The following TP63 variants were observed in gnomAD, a reference collection of about 807,000 sequenced individuals.
TP63 encodes tumor protein p63, also known as tumor protein 63.
In TP63, 17 loss-of-function variants were observed where a neutral mutation model predicts 82.8. The observed-to-expected ratio is 0.21, with a 90% CI of 0.14 to 0.31. The LOEUF (loss-of-function observed/expected upper bound fraction) is 0.31, where lower values mean the gene tolerates loss of function less well. TP63 is among the 10% of genes least tolerant of loss of function. The pLI is 1.00. For synonymous variants in TP63, 330 were observed against 321.7 expected (o/e 1.03, Z -0.28); for missense variants, 648 against 895.3 (o/e 0.72, Z 3.52).
At chr3:189,598,324 G>A in the TP63 span, among the ~76,000 whole-genome samples, 1 of 150,362 alleles carries the variant, frequency 6.7e-6, no homozygotes, top group Non-Finnish European at 1.5e-5. Context: ...CGGAATGGGA[G>A]AGGAGAGAAG....
At chr3:189,726,502 A>G (rs532945549) in intron 1 of TP63, among the ~76,000 whole-genome samples, 51 of 152,206 alleles carry the variant, frequency 3.4e-4, no homozygotes, top group Non-Finnish European at 5.6e-4. Context: ...GGTTTGAATC[A>G]TTATGTAGCA....
chr3:189,658,029 G>A (rs1388166258), intron 1 of TP63, among the ~76,000 whole-genome samples: 1 of 151,670 alleles, frequency 6.6e-6, no homozygotes, highest in Non-Finnish European at 1.5e-5. Flanking sequence ...CTCAAACTAG[G>A]GTAAGACATA....
the TP63 span, among the ~76,000 whole-genome samples, chr3:189,611,800 C>A: frequency 2.0e-5 from 3 of 152,122 alleles, no homozygotes; most frequent in Admixed American, 2.0e-4. Context: ...TCTCTGATTT[C>A]TTTGAGCATT....
At chr3:189,852,781 A>G (rs1050845947) in intron 4 of TP63, among the ~76,000 whole-genome samples, 2 of 152,122 alleles carry the variant, frequency 1.3e-5, no homozygotes, top group Non-Finnish European at 2.9e-5. Flanking sequence ...TGTGACATCC[A>G]AGGCTCCTCA....
intron 1 of TP63, among the ~76,000 whole-genome samples, chr3:189,664,742 A>T (rs1393222960): frequency 1.3e-5 from 2 of 152,182 alleles, no homozygotes; most frequent in African/African-American, 4.8e-5. Flanking sequence ...GATATTAAAC[A>T]TAATAAAGTT....
chr3:189,866,505 A>G (rs1270146225), intron 5 of TP63, among the ~76,000 whole-genome samples, 177 bp from the exon 6 acceptor site: 3 of 152,130 alleles, frequency 2.0e-5, no homozygotes, highest in Non-Finnish European at 4.4e-5. Context: ...AAAGGTTATG[A>G]CACCTTCATG....
chr3:189,735,017 G>A (rs1720474653), intron 1 of TP63, among the ~76,000 whole-genome samples: 1 of 151,892 alleles, frequency 6.6e-6, no homozygotes, highest in Non-Finnish European at 1.5e-5. Flanking sequence ...ATATTTTGAG[G>A]GTGTCATTAA....
intron 9 of TP63, among the ~76,000 whole-genome samples, chr3:189,870,076 A>C (rs974577699): frequency 6.6e-6 from 1 of 152,216 alleles, no homozygotes; most frequent in Non-Finnish European, 1.5e-5. Context: ...TTTGTCCTTC[A>C]TTATTTGAGA....
chr3:189,830,830 A>C (rs1019587534), intron 4 of TP63, among the ~76,000 whole-genome samples: 3 of 152,236 alleles, frequency 2.0e-5, no homozygotes, highest in African/African-American at 7.2e-5. Context: ...ATAGACACTT[A>C]GTAAATATTG....
intron 3 of TP63, among the ~76,000 whole-genome samples, chr3:189,784,287 T>C (rs890018077): frequency 6.6e-6 from 1 of 152,088 alleles, no homozygotes; most frequent in Non-Finnish European, 1.5e-5. Flanking sequence ...ATTACAATCA[T>C]AGCATGGGCT....
intron 5 of TP63, among the ~76,000 whole-genome samples, chr3:189,866,438 A>G (rs112424944): frequency 3.7e-4 from 57 of 152,234 alleles, no homozygotes; most frequent in African/African-American, 1.2e-3. Flanking sequence ...TTAAACTCCA[A>G]ATTATAGGAC....
At chr3:189,639,520 A>C (rs1321573425) in intron 1 of TP63, among the ~76,000 whole-genome samples, 1 of 152,274 alleles carries the variant, frequency 6.6e-6, no homozygotes, top group East Asian at 1.9e-4. Context: ...TTAGAAGAAT[A>C]AATGTAAGGG....
At chr3:189,743,355 T>A (rs1721138022) in intron 3 of TP63, among the ~76,000 whole-genome samples, 1 of 152,194 alleles carries the variant, frequency 6.6e-6, no homozygotes. Flanking sequence ...TCATTTCTTA[T>A]GAGAGTAGAA....
chr3:189,817,674 A>T (rs933112089), intron 4 of TP63, among the ~76,000 whole-genome samples: 2 of 152,122 alleles, frequency 1.3e-5, no homozygotes, highest in Non-Finnish European at 2.9e-5. Context: ...CAAAGACATG[A>T]AATAAAATAA....
chr3:189,630,786 A>G (rs1423251613), upstream of TP63, among the ~76,000 whole-genome samples: 5 of 152,058 alleles, frequency 3.3e-5, no homozygotes, highest in African/African-American at 9.7e-5. Context: ...TGTGAAAGGG[A>G]TATCTCTTTC....
At chr3:189,708,704 G>T (rs990562195) in intron 1 of TP63, among the ~76,000 whole-genome samples, 7 of 152,150 alleles carry the variant, frequency 4.6e-5, no homozygotes, top group African/African-American at 1.7e-4. Flanking sequence ...CAAAGACACA[G>T]ATTTCATTCA....
At chr3:189,635,845 G>A (rs535802706) in intron 1 of TP63, among the ~76,000 whole-genome samples, 2 of 152,090 alleles carry the variant, frequency 1.3e-5, no homozygotes, top group African/African-American at 2.4e-5. Context: ...ATGCCATGAT[G>A]TTGTTTATGC....
intron 1 of TP63, among the ~76,000 whole-genome samples, chr3:189,730,601 C>T (rs1343869266): frequency 1.3e-5 from 2 of 152,178 alleles, no homozygotes; most frequent in Non-Finnish European, 2.9e-5. Flanking sequence ...CCTTGCTGAA[C>T]GTAAAGATCA....
At chr3:189,680,507 T>C (rs1318750394) in intron 1 of TP63, among the ~76,000 whole-genome samples, 1 of 152,136 alleles carries the variant, frequency 6.6e-6, no homozygotes, top group Non-Finnish European at 1.5e-5. Flanking sequence ...TCAATATCCC[T>C]GGTGAACACA....
Sources: gnomAD v4.1 joint callset for allele counts (sites outside exome capture counted in the v4.1 genomes callset) on GRCh38, gnomAD v4.1.1 for gene constraint, MANE v1.5 for transcripts, NCBI Gene and HGNC (gene_info 2026-07-23, HGNC 2026-07-21) for gene names.